Variants in ALDH1A1 observed in about 807,000 individuals in gnomAD.
ALDH1A1 encodes aldehyde dehydrogenase 1 family member A1.
ALDH1A1 carries 19 observed loss-of-function variants against 62.1 expected under a neutral mutation model. The observed-to-expected ratio is 0.31, with a 90% confidence interval of 0.21 to 0.45. The LOEUF (loss-of-function observed/expected upper bound fraction) is 0.45, where lower values mean the gene tolerates loss of function less well. Among genes scored for constraint, ALDH1A1 ranks in the 20% least tolerant of loss-of-function variants. The pLI is 1.00. For missense variants in ALDH1A1, 521 were observed against 607.1 expected (o/e 0.86, Z 1.49); for synonymous variants, 231 against 215.9 (o/e 1.07, Z -0.61).
At chr9:72,919,475 A>G (rs1332060137) in intron 7 of ALDH1A1, among the ~76,000 whole-genome samples, 1 of 152,208 alleles carries the variant, frequency 6.6e-6, no homozygotes, top group Non-Finnish European at 1.5e-5. Context: ...TGATGACACT[A>G]GGTCAGATGC....
intron 7 of ALDH1A1, among the ~76,000 whole-genome samples, chr9:72,921,225 G>A (rs1830138101): frequency 6.9e-6 from 1 of 145,054 alleles, no homozygotes; most frequent in Admixed American, 6.9e-5. Flanking sequence ...CTGGGTGACA[G>A]TGCACGACTC....
intron 6 of ALDH1A1, among the ~76,000 whole-genome samples, chr9:72,924,644 C>T (rs994969452): frequency 4.6e-5 from 7 of 152,142 alleles, no homozygotes; most frequent in African/African-American, 1.7e-4. Context: ...GATTCAACAT[C>T]ACAGGTTGAT....
intron 3 of ALDH1A1, among the ~76,000 whole-genome samples, chr9:72,929,889 C>A (rs1424287660): frequency 6.6e-6 from 1 of 152,110 alleles, no homozygotes; most frequent in Non-Finnish European, 1.5e-5. Flanking sequence ...TGAGAAAAGC[C>A]AAGTTTTAGC....
intron 8 of ALDH1A1, 102 bp from the exon 9 acceptor site, chr9:72,917,206 G>T: frequency 1.1e-6 from 1 of 950,842 alleles, no homozygotes; most frequent in Non-Finnish European, 1.4e-6. Flanking sequence ...TATGAGTTGT[G>T]TAGTCAGACA....
intron 1 of ALDH1A1, among the ~76,000 whole-genome samples, chr9:72,949,084 C>T (rs1830507785): frequency 6.6e-6 from 1 of 151,882 alleles, no homozygotes; most frequent in African/African-American, 2.4e-5. Flanking sequence ...CAATCTCCTA[C>T]TCTAACCAAA....
At position 72,952,930 on chromosome 9, in the gene ALDH1A1, C is replaced by T. The variant is rs2118592032; in HGVS notation, c.66+5G>A. 2 of 1,611,704 alleles carry T rather than the reference C, an allele frequency of 1.2e-6. No individual in the cohort carries two copies. Among genetic ancestry groups the T allele is most frequent in the East Asian group, 2.2e-5 (1 of 44,834 alleles). On this transcript the variant is annotated splice_donor_5th_base_variant and intron_variant, in intron 1 of 12. Transcript: ENST00000297785. Reference sequence around the variant, plus strand: ...GTCAAAGCAGAAAATAGAAGTTTTACTCACCTTAGTATATTGAATCTTCAA... The same window carrying T: ...GTCAAAGCAGAAAATAGAAGTTTTATTCACCTTAGTATATTGAATCTTCAA...
chr9:72,901,068 G>A lies in ALDH1A1; in HGVS notation c.*140C>T, dbSNP rs1829796760. ...AAGCTACATGTCAAGTTTTCTATGGGTAGTATTAATACTAATATGATTTAG... is the reference window on the plus strand; with the variant it reads ...AAGCTACATGTCAAGTTTTCTATGGATAGTATTAATACTAATATGATTTAG... On this transcript the variant is annotated 3_prime_UTR_variant, in exon 13 of 13. Coordinates refer to ENST00000297785, the MANE Select transcript of ALDH1A1 (RefSeq NM_000689.5). The A allele has an allele frequency of 5.7e-6, 3 of 523,270 alleles. No individual in the cohort carries two copies. The East Asian group carries it at 8.8e-5, about 15-fold the overall frequency. 32.4% of individuals were successfully genotyped at this position (523,270 alleles called of 1,614,324 possible).
chr9:72,949,548 C>T (rs1830513233), intron 1 of ALDH1A1, among the ~76,000 whole-genome samples: 1 of 151,786 alleles, frequency 6.6e-6, no homozygotes, highest in Non-Finnish European at 1.5e-5. Flanking sequence ...GAATAGTAAC[C>T]TCCTCATAGG....
At chr9:72,919,250 A>G (rs1167838809) in intron 7 of ALDH1A1, among the ~76,000 whole-genome samples, 1 of 152,178 alleles carries the variant, frequency 6.6e-6, no homozygotes, top group Non-Finnish European at 1.5e-5. Flanking sequence ...CTACAGATTG[A>G]TCAGACTTAT....
chr9:72,930,167 C>T (rs912498025), intron 3 of ALDH1A1, among the ~76,000 whole-genome samples: 10 of 152,148 alleles, frequency 6.6e-5, no homozygotes, highest in African/African-American at 2.2e-4. Flanking sequence ...TTGGCTTCAT[C>T]ATAATGCCCA....
At chr9:72,949,647 TTGTGTGTG>T (rs35095299) in intron 1 of ALDH1A1, among the ~76,000 whole-genome samples, 1 of 148,844 alleles carries the variant, frequency 6.7e-6, no homozygotes, top group Non-Finnish European at 1.5e-5. Flanking sequence ...TAATTATTTA[TTGTGTGTG>T]TGTGTGTGCG....
At chr9:72,952,422 T>C (rs941123773) in intron 1 of ALDH1A1, among the ~76,000 whole-genome samples, 3 of 152,020 alleles carry the variant, frequency 2.0e-5, no homozygotes, top group African/African-American at 7.2e-5. Context: ...ATATGCAAAA[T>C]AATGCAAGTC....
chr9:72,928,524 G>C (rs542358774), intron 4 of ALDH1A1, among the ~76,000 whole-genome samples: 1 of 152,146 alleles, frequency 6.6e-6, no homozygotes, highest in African/African-American at 2.4e-5. Flanking sequence ...TTACAGAAAG[G>C]ATATAAATGT....
At position 72,914,578 on chromosome 9, in the gene ALDH1A1, G is replaced by A. The variant is rs8187963; in HGVS notation, c.1035+2342C>T. On this transcript the variant is annotated intron_variant, in intron 9 of 12. Coordinates refer to ENST00000297785, the MANE Select transcript of ALDH1A1 (RefSeq NM_000689.5). Reference sequence around the variant, plus strand: ...GCTACTCTGTGATAATTTTAGTATCGTTTATGTGGCTATCACAATTTCTGT... The same window carrying A: ...GCTACTCTGTGATAATTTTAGTATCATTTATGTGGCTATCACAATTTCTGT... Among the ~76,000 whole-genome samples, 1,158 of 152,052 alleles carry A rather than the reference G, an allele frequency of 7.6e-3. 18 individuals are homozygous for A. The highest frequency in any genetic ancestry group is 0.026 in the African/African-American group (1,084 of 41,474).
chr9:72,920,222 T>G (rs1588135808), intron 7 of ALDH1A1, among the ~76,000 whole-genome samples: 1 of 152,206 alleles, frequency 6.6e-6, no homozygotes, highest in East Asian at 1.9e-4. Context: ...GGCATTAATA[T>G]GCTAATGTTT....
At chr9:72,943,315 T>A (rs552496649) in intron 1 of ALDH1A1, among the ~76,000 whole-genome samples, 100 of 152,324 alleles carry the variant, frequency 6.6e-4, no homozygotes, top group Admixed American at 1.4e-3. Flanking sequence ...TTCTCAATAA[T>A]ATGCTCTCAA....
intron 9 of ALDH1A1, among the ~76,000 whole-genome samples, 158 bp downstream of exon 9, chr9:72,916,762 A>G (rs1443956997): frequency 6.6e-6 from 1 of 152,198 alleles, no homozygotes; most frequent in Non-Finnish European, 1.5e-5. Context: ...TTTCATTCTC[A>G]CTGGGAGTTA....
At chr9:72,909,983 A>G (rs1003868809) in intron 10 of ALDH1A1, among the ~76,000 whole-genome samples, 1 of 152,172 alleles carries the variant, frequency 6.6e-6, no homozygotes, top group Non-Finnish European at 1.5e-5. Flanking sequence ...GGGTACAAAT[A>G]ATTAAGGCAA....
chr9:72,925,153 A>T (rs886463352), intron 6 of ALDH1A1, among the ~76,000 whole-genome samples: 1 of 152,216 alleles, frequency 6.6e-6, no homozygotes, highest in African/African-American at 2.4e-5. Flanking sequence ...GCAGGTACAA[A>T]CCAACTTAAT....
Sources: gnomAD v4.1 joint callset for allele counts (sites outside exome capture counted in the v4.1 genomes callset) on GRCh38, gnomAD v4.1.1 for gene constraint, MANE v1.5 for transcripts, NCBI Gene and HGNC (gene_info 2026-07-23, HGNC 2026-07-21) for gene names.